Variants in STAC observed in about 807,000 individuals in gnomAD.
The protein encoded by STAC is SH3 and cysteine rich domain.
Under a neutral mutation model 48.8 loss-of-function variants are expected in STAC, and 43 were observed. The observed-to-expected ratio is 0.88, with a 90% CI of 0.69 to 1.14. STAC has a LOEUF of 1.14. STAC is among the 50% of genes most tolerant of loss of function. STAC has a pLI of 0.00. For missense variants in STAC, 497 were observed against 504.0 expected (o/e 0.99, Z 0.13); for synonymous variants, 193 against 179.5 (o/e 1.07, Z -0.60).
At chr3:36,431,364 T>A (rs1282395576) in intron 1 of STAC, among the ~76,000 whole-genome samples, 1 of 151,846 alleles carries the variant, frequency 6.6e-6, no homozygotes, top group Non-Finnish European at 1.5e-5. Flanking sequence ...GAATGCAGAG[T>A]GGGGAGTGGC....
At position 36,505,757 on chromosome 3, in the gene STAC, C is replaced by A; in HGVS notation, c.843C>A (p.Ser281=). ...AKNINHQGSL[S]KDPLQMNTYV... ...ATTTTCTCTTTCAGGGATCTCTTTC[C>A]AAAGACCCATTACAGATGAACACCT... The change falls in exon 8 of 11, where the codon TCC becomes TCA. Residue 281 remains serine, a synonymous_variant. Coordinates refer to ENST00000273183, the MANE Select transcript of STAC (RefSeq NM_003149.3). 2 of 1,592,884 alleles carry A rather than the reference C, an allele frequency of 1.3e-6. No individual in the cohort carries two copies. The highest frequency in any genetic ancestry group is 1.2e-5 in the South Asian group (1 of 86,356).
In STAC at chr3:36,467,085, G is replaced by A. The variant is rs536158899; in HGVS notation, c.389-15907G>A. Among the ~76,000 whole-genome samples the A allele has an allele frequency of 1.4e-4, 22 of 152,008 alleles. No individual in the cohort carries two copies. In the South Asian group the frequency reaches 3.7e-3, roughly 26 times the overall value. ...CTGGATTTTGTCAAATGCATTTTCTGTGTCTATTGAGATGATCGTGTAATT... is the reference window on the plus strand; with the variant it reads ...CTGGATTTTGTCAAATGCATTTTCTATGTCTATTGAGATGATCGTGTAATT... On this transcript the variant is annotated intron_variant, in intron 2 of 10. Coordinates refer to ENST00000273183, the MANE Select transcript of STAC (RefSeq NM_003149.3).
At chr3:36,428,130 C>T (rs1407772470) in intron 1 of STAC, among the ~76,000 whole-genome samples, 1 of 152,224 alleles carries the variant, frequency 6.6e-6, no homozygotes, top group South Asian at 2.1e-4. Flanking sequence ...CTGCTCTGCT[C>T]ATCTCTTGTC....
chr3:36,494,582 G>A (rs1259512931), intron 6 of STAC, among the ~76,000 whole-genome samples: 5 of 152,156 alleles, frequency 3.3e-5, no homozygotes, highest in African/African-American at 9.7e-5. Context: ...ATTCCCACAA[G>A]GCACCATGTG....
At chr3:36,469,154 T>G (rs1057143840) in intron 2 of STAC, among the ~76,000 whole-genome samples, 1 of 152,076 alleles carries the variant, frequency 6.6e-6, no homozygotes, top group Non-Finnish European at 1.5e-5. Flanking sequence ...GAATACCTTT[T>G]TTTTCATTGT....
intron 1 of STAC, among the ~76,000 whole-genome samples, chr3:36,440,391 T>G (rs1233250647): frequency 6.6e-6 from 1 of 152,074 alleles, no homozygotes; most frequent in African/African-American, 2.4e-5. Context: ...ACAGTACTTC[T>G]GGTCCATCTA....
chr3:36,384,240 G>T (rs1559472626), intron 1 of STAC, among the ~76,000 whole-genome samples: 1 of 152,096 alleles, frequency 6.6e-6, no homozygotes, highest in South Asian at 2.1e-4. Context: ...GTGAAGGTTT[G>T]CTATAAATCT....
chr3:36,507,696 T>C (rs963008789), intron 8 of STAC, among the ~76,000 whole-genome samples: 5 of 152,174 alleles, frequency 3.3e-5, no homozygotes, highest in Admixed American at 1.3e-4. Flanking sequence ...TTTTCTAGTT[T>C]ATTGGCGTAG....
At position 36,483,029 on chromosome 3, in the gene STAC, T is replaced by G; in HGVS notation, c.426T>G (p.Cys142Trp). ...NAKHGLRCKA[C>W]KMSIHHKCTD... is the part of the protein sequence containing the mutation. ...AGCATGGACTGCGCTGCAAAGCCTG[T>G]AAGATGAGCATCCACCACAAGTGCA... is the stretch of plus-strand genomic sequence containing the variant. Residue 142 changes from cysteine to tryptophan, a missense_variant, in exon 3 of 11, where the codon TGT becomes TGG. Coordinates refer to ENST00000273183, the MANE Select transcript of STAC (RefSeq NM_003149.3). 6.2e-7 allele frequency: 1 copy of G among 1,614,200 alleles called. No homozygotes were observed. Among genetic ancestry groups the G allele is most frequent in the Non-Finnish European group, 8.5e-7 (1 of 1,180,026 alleles).
intron 5 of STAC, among the ~76,000 whole-genome samples, chr3:36,489,250 C>T (rs879691069): frequency 1.3e-5 from 2 of 152,162 alleles, no homozygotes; most frequent in Admixed American, 6.6e-5. Flanking sequence ...ATCAGGGACT[C>T]ATAGAGTGCC....
chr3:36,398,556 A>ATAGGGAAGGAAG, intron 1 of STAC, among the ~76,000 whole-genome samples: 1 of 7,768 alleles, frequency 1.3e-4, no homozygotes, highest in Non-Finnish European at 2.6e-4. Context: ...AGAGAAAGAG[A>ATAGGGAAGGAAG]GAGGGAAGGA....
At chr3:36,515,902 C>G (rs915853899) in intron 8 of STAC, among the ~76,000 whole-genome samples, 10 of 151,542 alleles carry the variant, frequency 6.6e-5, no homozygotes, top group Non-Finnish European at 1.5e-5. Flanking sequence ...TTGCAACTAT[C>G]CGTTTAGGAA....
chr3:36,437,695 T>C (rs1696187379), intron 1 of STAC, among the ~76,000 whole-genome samples: 1 of 149,920 alleles, frequency 6.7e-6, no homozygotes, highest in Non-Finnish European at 1.5e-5. Flanking sequence ...AGTTAATGGG[T>C]TCAGCACCCC....
At chr3:36,481,956 G>A (rs753501974) in intron 2 of STAC, among the ~76,000 whole-genome samples, 1 of 152,132 alleles carries the variant, frequency 6.6e-6, no homozygotes, top group Non-Finnish European at 1.5e-5. Flanking sequence ...AAGGAGGAGG[G>A]ATAAGACTGA....
intron 1 of STAC, among the ~76,000 whole-genome samples, chr3:36,408,486 A>G (rs1700127711): frequency 6.6e-6 from 1 of 152,136 alleles, no homozygotes; most frequent in South Asian, 2.1e-4. Context: ...ACTCTACTCC[A>G]TATTACCATA....
intron 1 of STAC, among the ~76,000 whole-genome samples, chr3:36,435,074 G>C (rs1700798074): frequency 6.6e-6 from 1 of 152,140 alleles, no homozygotes; most frequent in Non-Finnish European, 1.5e-5. Flanking sequence ...CTTTGGGCAA[G>C]TTGCCATTTT....
chr3:36,490,909 G>A (rs746204168), intron 5 of STAC, among the ~76,000 whole-genome samples: 30 of 152,162 alleles, frequency 2.0e-4, no homozygotes, highest in South Asian at 6.2e-4. Flanking sequence ...ATTTATCACC[G>A]TCCACTTATA....
At chr3:36,478,322 A>C (rs567840136) in intron 2 of STAC, among the ~76,000 whole-genome samples, 135 of 152,328 alleles carry the variant, frequency 8.9e-4, no homozygotes, top group African/African-American at 3.1e-3. Flanking sequence ...TTCTGATTCA[A>C]GTATTGTACA....
intron 2 of STAC, among the ~76,000 whole-genome samples, chr3:36,467,020 C>A (rs958636128): frequency 1.3e-5 from 2 of 151,802 alleles, no homozygotes; most frequent in African/African-American, 2.4e-5. Context: ...TATGTCCCTT[C>A]TATGCTTACT....
Sources: gnomAD v4.1 joint callset for allele counts (sites outside exome capture counted in the v4.1 genomes callset) on GRCh38, gnomAD v4.1.1 for gene constraint, MANE v1.5 for transcripts, NCBI Gene and HGNC (gene_info 2026-07-23, HGNC 2026-07-21) for gene names.